EXOC1: variants seen among roughly 807,000 people sequenced by gnomAD.
EXOC1 encodes the protein exocyst complex component 1.
In EXOC1, 67 loss-of-function variants were observed where a neutral mutation model predicts 107.7. The observed-to-expected ratio is 0.62, with a 90% CI of 0.51 to 0.76. The LOEUF (loss-of-function observed/expected upper bound fraction) is 0.76. EXOC1 is among the 30% of genes least tolerant of loss of function. EXOC1 has a pLI of 0.00. For synonymous variants in EXOC1, 348 were observed against 353.5 expected (o/e 0.98, Z 0.17); for missense variants, 833 against 1,055.7 (o/e 0.79, Z 2.92).
rs2110295585 is a variant in EXOC1 at position 55,853,905 on chromosome 4, C to G, written c.-59C>G. 6.6e-6 allele frequency: 1 copy of G among 152,538 alleles called. No homozygotes were observed. The highest frequency in any genetic ancestry group is 2.4e-5 in the African/African-American group (1 of 41,582). 9.4% of individuals were successfully genotyped at this position (152,538 alleles called of 1,614,324 possible). ...CTCAGTCCGGCTGCTGTCTCCACGC[C>G]TGGGGTCGGGCACCGCTCCTTCTGA... On this transcript the variant is annotated 5_prime_UTR_variant, in exon 1 of 19. Coordinates refer to ENST00000381295, the MANE Select transcript of EXOC1 (RefSeq NM_001024924.2).
At chr4:55,877,259 T>A (rs759626185) in intron 8 of EXOC1, 68 of 985,400 alleles carry the variant, frequency 6.9e-5, no homozygotes, top group Non-Finnish European at 7.2e-5. Context: ...GTAATTTTAA[T>A]ACAGTTTTCA....
intron 3 of EXOC1, among the ~76,000 whole-genome samples, chr4:55,863,778 T>C (rs1721702198): frequency 6.6e-6 from 1 of 152,242 alleles, no homozygotes; most frequent in African/African-American, 2.4e-5. Flanking sequence ...TCAAGTTTTA[T>C]ACTTAGAAGA....
intron 10 of EXOC1, among the ~76,000 whole-genome samples, chr4:55,888,234 A>G (rs1346246960): frequency 6.6e-5 from 10 of 152,196 alleles, no homozygotes; most frequent in African/African-American, 2.4e-4. Context: ...TCAAATTCTT[A>G]TATTACATCT....
At chr4:55,857,065 C>T (rs188538668) in intron 1 of EXOC1, among the ~76,000 whole-genome samples, 1 of 150,754 alleles carries the variant, frequency 6.6e-6, no homozygotes, top group African/African-American at 2.4e-5. Flanking sequence ...TAAATGGAAT[C>T]ATACAATACG....
rs754001442 is a variant in EXOC1 at position 55,868,364 on chromosome 4, T to C, written c.444T>C (p.Ser148=). Residue 148 remains serine (S), a synonymous_variant, in exon 5 of 19, where the codon AGT becomes AGC. Coordinates refer to ENST00000381295, the MANE Select transcript of EXOC1 (RefSeq NM_001024924.2). ...CTGTTCCAAGTGGAGAAAATCAGAG[T>C]GTGACAGGAGGTGATGAAGAAGTAG... ...EESVPSGENQ[S]VTGGDEEVVD... is the part of the protein sequence containing the mutation. 2.0e-5 allele frequency: 32 copies of C among 1,612,158 alleles called. No homozygotes were observed. The highest frequency in any genetic ancestry group is 2.5e-5 in the Non-Finnish European group (29 of 1,178,968).
In EXOC1 at chr4:55,858,362, T is replaced by A; in HGVS notation, c.39T>A (p.Phe13Leu). The change falls in exon 2 of 19, where the codon TTT (phenylalanine) becomes TTA (leucine). Residue 13 changes from phenylalanine to leucine, a missense_variant. Transcript: ENST00000381295. ...AIKHALQRDI[F>L]TPNDERLLSI... The stretch of plus-strand genomic sequence containing the variant: ...AGCATGCATTACAAAGAGACATTTT[T>A]ACACCAAATGATGAACGCCTGCTGA... 1 of 1,610,364 alleles carries A rather than the reference T, an allele frequency of 6.2e-7. No individual in the cohort carries two copies. The highest frequency in any genetic ancestry group is 8.5e-7 in the Non-Finnish European group (1 of 1,178,450).
At chr4:55,878,738 GCAGA>G (rs759892070) in intron 9 of EXOC1, among the ~76,000 whole-genome samples, 11 of 152,136 alleles carry the variant, frequency 7.2e-5, no homozygotes, top group Admixed American at 1.3e-4. Flanking sequence ...AGAGAGATGT[GCAGA>G]CAAAGGTGGG....
chr4:55,861,402 AAC>A (rs1178715561), intron 3 of EXOC1, among the ~76,000 whole-genome samples: 4 of 152,364 alleles, frequency 2.6e-5, no homozygotes, highest in Middle Eastern at 6.8e-3. Flanking sequence ...ACAAAGTAAA[AAC>A]AACAAAAAAC....
rs71192052 is a variant in EXOC1, at chr4:55,857,168, C to CTTTTTTTTTTTTT, written c.-10-1131_-10-1119dup. 4.7e-4 allele frequency among the ~76,000 whole-genome samples: 31 copies of CTTTTTTTTTTTTT among 65,768 alleles called. 2 individuals are homozygous for CTTTTTTTTTTTTT. The highest frequency in any genetic ancestry group is 5.7e-4 in the Non-Finnish European group (21 of 37,060). 43.1% of individuals were successfully genotyped at this position (65,768 alleles called of 152,430 possible). A position where few individuals can be genotyped will look rare whatever the true frequency, so the allele number is the denominator to read the frequency against. The stretch of plus-strand genomic sequence containing the variant: ...TTTCATTACTTCATTTCCTTTTTTT[C>CTTTTTTTTTTTTT]TTTTTTTTTTTTTTTTTTTTTTTTT... On this transcript the variant is annotated intron_variant, in intron 1 of 18. Coordinates refer to ENST00000381295, the MANE Select transcript of EXOC1 (RefSeq NM_001024924.2).
At chr4:55,868,589 T>C (rs1722157418) in intron 5 of EXOC1, 66 bp downstream of exon 5, 3 of 1,435,674 alleles carry the variant, frequency 2.1e-6, no homozygotes, top group Non-Finnish European at 1.9e-6. Context: ...ATGATGTTCA[T>C]ATTATACTAC....
intron 8 of EXOC1, chr4:55,877,515 A>G: frequency 1.0e-6 from 1 of 985,018 alleles, no homozygotes; most frequent in Non-Finnish European, 1.2e-6. Context: ...GAATACCATA[A>G]ATGTAGACTG....
At chr4:55,871,705 T>C in intron 7 of EXOC1, 144 bp from the exon 8 acceptor site, 1 of 641,296 alleles carries the variant, frequency 1.6e-6, no homozygotes, top group South Asian at 2.2e-5. Context: ...CCCATTTTTC[T>C]CCTGCTTAAC....
At chr4:55,854,355 A>G (rs1185529072) in intron 1 of EXOC1, among the ~76,000 whole-genome samples, 1 of 152,176 alleles carries the variant, frequency 6.6e-6, no homozygotes, top group Non-Finnish European at 1.5e-5. Flanking sequence ...GTGGTGGTCC[A>G]ACTGAGCTGA....
At chr4:55,882,451 A>G (rs1036824013) in intron 9 of EXOC1, among the ~76,000 whole-genome samples, 5 of 152,212 alleles carry the variant, frequency 3.3e-5, no homozygotes, top group African/African-American at 1.2e-4. Flanking sequence ...AAAGGTATCT[A>G]AGTCATTTGA....
chr4:55,889,155 T>C (rs1016675849), intron 11 of EXOC1, among the ~76,000 whole-genome samples: 2 of 152,146 alleles, frequency 1.3e-5, no homozygotes, highest in African/African-American at 4.8e-5. Flanking sequence ...TGTCAGAAAT[T>C]TGTGAAAAGA....
At chr4:55,864,169 A>T (rs1218646977) in intron 3 of EXOC1, 58 bp from the exon 4 acceptor site, 1 of 1,176,434 alleles carries the variant, frequency 8.5e-7, no homozygotes, top group Non-Finnish European at 1.2e-6. Context: ...CAGATTTTAC[A>T]TTAACAATGT....
chr4:55,877,265 T>C, intron 8 of EXOC1: 1 of 985,344 alleles, frequency 1.0e-6, no homozygotes, highest in South Asian at 4.7e-5. Flanking sequence ...TTAATACAGT[T>C]TTCACAAAAT....
intron 15 of EXOC1, 93 bp downstream of exon 15, chr4:55,893,873 G>A (rs541935001): frequency 9.7e-7 from 1 of 1,032,340 alleles, no homozygotes; most frequent in Non-Finnish European, 1.4e-6. Context: ...CCAGCTTTCT[G>A]TTGGGGAATC....
In EXOC1 at chr4:55,905,011, AAAG is replaced by A. The variant is rs1726444394; in HGVS notation, c.*517_*519del. ...AATAAATGTGAAATAAATTTTCAAA[AAAG>A]TTGACATTTGATAATATTTTTAGGT... On this transcript the variant is annotated 3_prime_UTR_variant, in exon 19 of 19. Transcript: ENST00000381295. 6.6e-6 allele frequency: 1 copy of A among 152,396 alleles called. No homozygotes were observed. The highest frequency in any genetic ancestry group is 1.5e-5 in the Non-Finnish European group (1 of 68,068). 9.4% of individuals were successfully genotyped at this position (152,396 alleles called of 1,614,324 possible). A position where few individuals can be genotyped will look rare whatever the true frequency, so the allele number is the denominator to read the frequency against.
Sources: allele counts gnomAD v4.1 joint callset (sites outside exome capture counted in the v4.1 genomes callset), GRCh38; gene constraint gnomAD v4.1.1; transcripts MANE v1.5; gene names NCBI Gene and HGNC (gene_info 2026-07-23, HGNC 2026-07-21).